TRPM4: variants seen among roughly 807,000 people sequenced by gnomAD.
TRPM4 encodes the protein transient receptor potential cation channel subfamily M member 4.
Under a neutral mutation model 135.6 loss-of-function variants are expected in TRPM4, and 124 were observed. The observed-to-expected ratio is 0.91, with a 90% CI of 0.79 to 1.06. The LOEUF is 1.06. TRPM4 is among the 50% of genes least tolerant of loss of function. The pLI is 0.00. For missense variants in TRPM4, 1,658 were observed against 1,671.4 expected, an observed-to-expected ratio of 0.99 and a Z score of 0.14; for synonymous variants, 745 against 705.6, an observed-to-expected ratio of 1.06 and a Z score of -0.88.
At chr19:49,199,916 G>A (rs1053774720) in intron 17 of TRPM4, among the ~76,000 whole-genome samples, 1 of 152,192 alleles carries the variant, frequency 6.6e-6, no homozygotes, top group Non-Finnish European at 1.5e-5. Context: ...AACGTCCTCT[G>A]TGAATTGTAC....
intron 9 of TRPM4, among the ~76,000 whole-genome samples, chr19:49,178,376 G>C (rs1261466794): frequency 6.6e-6 from 1 of 152,076 alleles, no homozygotes; most frequent in East Asian, 1.9e-4. Flanking sequence ...GTGGAGAGGA[G>C]AGAAGAGACT....
intron 12 of TRPM4, among the ~76,000 whole-genome samples, chr19:49,187,876 G>C (rs772359239): frequency 2.0e-5 from 3 of 152,092 alleles, no homozygotes; most frequent in Non-Finnish European, 2.9e-5. Context: ...GCTGTTTTCT[G>C]TTCCTGGGTG....
Position 49,211,500 on chromosome 19 carries a change from C to A in TRPM4, c.*2C>A. 6.2e-7 allele frequency: 1 copy of A among 1,614,054 alleles called. No homozygotes were observed. Among genetic ancestry groups the A allele is most frequent in the East Asian group, 2.2e-5 (1 of 44,872 alleles). Reference sequence around the variant, plus strand: ...CTTTTCTCTCTTCCCCCAGACTGAGCCCTGCTGGCGGACTTCAAGGAGAAG... The same window carrying A: ...CTTTTCTCTCTTCCCCCAGACTGAGACCTGCTGGCGGACTTCAAGGAGAAG... On this transcript the variant is annotated 3_prime_UTR_variant, in exon 25 of 25. Coordinates refer to ENST00000252826, the MANE Select transcript of TRPM4 (RefSeq NM_017636.4). This position sits in a 1 kb window ranked among gnomAD's most constrained non-coding sequence, Gnocchi z 4.8.
chr19:49,195,811 G>A (rs1968611315), intron 16 of TRPM4, among the ~76,000 whole-genome samples: 1 of 150,872 alleles, frequency 6.6e-6, no homozygotes, highest in Non-Finnish European at 1.5e-5. Flanking sequence ...AGCCTCCCCA[G>A]TAGCTGGGAC....
chr19:49,158,218 G>T lies in TRPM4; in HGVS notation c.51G>T (p.Lys17Asn). 1.2e-6 allele frequency: 2 copies of T among 1,613,860 alleles called. No individual in the cohort carries two copies. The highest frequency in any genetic ancestry group is 1.7e-6 in the Non-Finnish European group (2 of 1,179,952). The change falls in exon 2 of 25, where the codon AAG becomes AAT. Residue 17 changes from lysine to asparagine, a missense_variant. By Grantham distance (94) the Lys-to-Asn change is moderately conservative (BLOSUM62 0). Coordinates refer to ENST00000252826, the MANE Select transcript of TRPM4 (RefSeq NM_017636.4). ...GCTGGATCCCCAAGATCTTCAAGAA[G>T]AAGACCTGCACGACGTTCATAGTTG... The part of the protein sequence containing the change: ...EQSWIPKIFK[K>N]KTCTTFIVDS...
chr19:49,203,457 A>G (rs1272286228), intron 20 of TRPM4, among the ~76,000 whole-genome samples: 19 of 152,130 alleles, frequency 1.2e-4, no homozygotes, highest in Admixed American at 1.3e-4. Context: ...GGGATTACTG[A>G]CATGAGCCAC....
intron 17 of TRPM4, among the ~76,000 whole-genome samples, chr19:49,199,642 G>T (rs1169943636): frequency 6.6e-6 from 1 of 151,772 alleles, no homozygotes; most frequent in Non-Finnish European, 1.5e-5. Context: ...CCTAATCCTC[G>T]GTAGTTTTGT....
intron 14 of TRPM4, 124 bp downstream of exon 14, chr19:49,189,215 A>T (rs1968318526): frequency 2.8e-6 from 4 of 1,406,208 alleles, no homozygotes; most frequent in Admixed American, 1.9e-5. Context: ...GAGATCCCCC[A>T]GAAAGTCTCT....
rs373336677 is a variant in TRPM4, at chr19:49,184,628, C to T, written c.1743+1416C>T. Among the ~76,000 whole-genome samples, 601 of 151,460 alleles carry T rather than the reference C, an allele frequency of 4.0e-3. 7 individuals are homozygous for T. The highest frequency in any genetic ancestry group is 0.013 in the African/African-American group (553 of 41,320). On this transcript the variant is annotated intron_variant, in intron 12 of 24. Transcript: ENST00000252826. The stretch of plus-strand genomic sequence containing the variant: ...CCAAGTAGCTGGGACTACAGGTGCC[C>T]GCCACCACGCCCAGCTAATTTTTTT...
Position 49,168,738 on chromosome 19 carries a change from T to TG in TRPM4, c.796+3dup. 1 of 1,581,946 alleles carries TG rather than the reference T, an allele frequency of 6.3e-7. No individual in the cohort carries two copies. The highest frequency in any genetic ancestry group is 8.6e-7 in the Non-Finnish European group (1 of 1,165,270). ...CACAGCAGAAGACGGGCGTGGGAGG[T>TG]GAGTGGTCGAACCCATGACCCACAA... On this transcript the variant is annotated splice_region_variant and intron_variant, in intron 6 of 24. Transcript: ENST00000252826.
chr19:49,159,757 A>G (rs905243216), intron 2 of TRPM4: 2 of 152,216 alleles, frequency 1.3e-5, no homozygotes, highest in African/African-American at 4.8e-5. Flanking sequence ...TACTGGGATT[A>G]CAGGTGTGAG....
chr19:49,210,512 G>A lies in TRPM4; in HGVS notation c.3328+107G>A, dbSNP rs1168908602. On this transcript the variant is annotated intron_variant, in intron 21 of 24. Transcript: ENST00000252826. This position sits in a 1 kb window ranked among gnomAD's most constrained non-coding sequence, Gnocchi z 4.1. ...ATGACTAACGGGCGTGGCTTAGGTA[G>A]CGAGGGGCGGGGTTTAAGCAACAAG... 2.0e-6 allele frequency: 3 copies of A among 1,470,368 alleles called. No homozygotes were observed. Among genetic ancestry groups the A allele is most frequent in the Non-Finnish European group, 2.8e-6 (3 of 1,074,768 alleles). The allele number at this position is 1,470,368 out of a possible 1,614,324, so 91.1% of individuals were successfully genotyped here.
chr19:49,200,519 A>G, intron 18 of TRPM4, 87 bp downstream of exon 18: 1 of 1,593,554 alleles, frequency 6.3e-7, no homozygotes, highest in Non-Finnish European at 8.5e-7. Context: ...AAGGGGCGTG[A>G]CTTTGGGGAG....
intron 20 of TRPM4, among the ~76,000 whole-genome samples, chr19:49,203,039 C>T (rs1349692782): frequency 1.3e-4 from 20 of 151,732 alleles, no homozygotes; most frequent in Middle Eastern, 3.2e-3. Flanking sequence ...TACAGGTGCC[C>T]GCCACCACGC....
In TRPM4 at chr19:49,168,651, C is replaced by G; in HGVS notation, c.711C>G (p.Asp237Glu). 1 of 1,613,318 alleles carries G rather than the reference C, an allele frequency of 6.2e-7. No homozygotes were observed. Among genetic ancestry groups the G allele is most frequent in the Non-Finnish European group, 8.5e-7 (1 of 1,179,920 alleles). Residue 237 changes from aspartate (D) to glutamate (E), a missense_variant, in exon 6 of 25, where the codon GAC becomes GAG. Coordinates refer to ENST00000252826, the MANE Select transcript of TRPM4 (RefSeq NM_017636.4). ...YNYSAFFLVD[D>E]GTHGCLGGEN... ...ACTCGGCCTTCTTCCTGGTGGACGA[C>G]GGCACACACGGCTGCCTGGGGGGCG... is the stretch of plus-strand genomic sequence containing the variant.
rs2145998272 is a variant in TRPM4, at chr19:49,210,769, G to A, written c.3388G>A (p.Glu1130Lys). 6.2e-7 allele frequency: 1 copy of A among 1,614,124 alleles called. No homozygotes were observed. ...KLLTWESVHK[E>K]NFLLARARDK... ...GCTAACGTGGGAATCGGTGCATAAG[G>A]AGAACTTTCTGCTGGCACGCGCTAG... Residue 1130 changes from glutamate to lysine, a missense_variant, in exon 22 of 25, where the codon GAG becomes AAG. Around this residue, in one of 3 missense-constraint regions of TRPM4, gnomAD observed 1,412 missense variants for 1,408.7 expected, o/e 1.00. Transcript: ENST00000252826. This position sits in a 1 kb window ranked among gnomAD's most constrained non-coding sequence, Gnocchi z 4.1.
intron 16 of TRPM4, among the ~76,000 whole-genome samples, chr19:49,193,196 T>C (rs947174958): frequency 6.6e-5 from 10 of 150,550 alleles, no homozygotes; most frequent in Admixed American, 5.3e-4. Flanking sequence ...TTCTCCTGCC[T>C]CAGCCTCCTG....
intron 20 of TRPM4, among the ~76,000 whole-genome samples, chr19:49,206,592 A>G (rs1969162426): frequency 6.6e-6 from 1 of 151,940 alleles, no homozygotes; most frequent in Non-Finnish European, 1.5e-5. Context: ...GGCATGTGCC[A>G]CCACGCCCGG....
At chr19:49,170,547 G>T (rs1967414078) in intron 6 of TRPM4, among the ~76,000 whole-genome samples, 1 of 152,096 alleles carries the variant, frequency 6.6e-6, no homozygotes, top group Non-Finnish European at 1.5e-5. Context: ...GGTGCAATTG[G>T]ATTTTGGTAA....
Sources: gnomAD v4.1 joint callset for allele counts (sites outside exome capture counted in the v4.1 genomes callset) on GRCh38, gnomAD v4.1.1 for gene constraint, gnomAD v4.1.1 regional missense constraint, Gnocchi (gnomAD v3.1) non-coding constraint, MANE v1.5 for transcripts, NCBI Gene and HGNC (gene_info 2026-07-23, HGNC 2026-07-21) for gene names.